HMCN2: variants seen among roughly 807,000 people sequenced by gnomAD.
HMCN2 encodes hemicentin-2.
A neutral mutation model predicts 377.5 loss-of-function variants in HMCN2; 325 were observed. The observed-to-expected ratio is 0.86, with a 90% CI of 0.79 to 0.94. HMCN2 has a LOEUF of 0.94. Among genes scored for constraint, HMCN2 ranks in the 40% least tolerant of loss-of-function variants. HMCN2 has a pLI of 0.00. For missense variants in HMCN2, 4,543 were observed against 4,725.3 expected, an observed-to-expected ratio of 0.96 and a Z score of 1.13; for synonymous variants, 2,007 against 2,046.8, an observed-to-expected ratio of 0.98 and a Z score of 0.53.
chr9:130,348,236 C>T (rs910602892), intron 26 of HMCN2, among the ~76,000 whole-genome samples: 1 of 152,236 alleles, frequency 6.6e-6, no homozygotes, highest in Non-Finnish European at 1.5e-5. Flanking sequence ...GGGGGACCCT[C>T]CCTGGTCACT....
chr9:130,382,826 GCCCACGGCTGCAGGT>G lies in HMCN2; in HGVS notation c.8696_8710del (p.Pro2899_Val2903del). 1.0e-6 allele frequency: 1 copy of G among 985,898 alleles called. No homozygotes were observed. Among genetic ancestry groups the G allele is most frequent in the Non-Finnish European group, 1.2e-6 (1 of 829,928 alleles). 61.1% of individuals were successfully genotyped at this position (985,898 alleles called of 1,614,324 possible). ...CAGAATGGGCTGCCTTTCTCCCCGA[GCCCACGGCTGCAGGT>G]CCTGGAGGACGGGCAAGTCTTGCAG... On this transcript the variant is annotated inframe_deletion, in exon 56 of 98. Transcript: ENST00000683500.
chr9:130,334,434 T>C (rs1423937864), intron 22 of HMCN2, among the ~76,000 whole-genome samples: 1 of 152,142 alleles, frequency 6.6e-6, no homozygotes, highest in Non-Finnish European at 1.5e-5. Flanking sequence ...GATTCCCCCA[T>C]TTCTTCCTTG....
chr9:130,404,203 T>A (rs1842980878), intron 80 of HMCN2, among the ~76,000 whole-genome samples: 1 of 152,202 alleles, frequency 6.6e-6, no homozygotes. Flanking sequence ...GCTTCAAAGA[T>A]CAGGTGGCAT....
intron 1 of HMCN2, among the ~76,000 whole-genome samples, chr9:130,280,211 G>GA (rs1412054378): frequency 6.7e-6 from 1 of 150,030 alleles, no homozygotes; most frequent in Non-Finnish European, 1.5e-5. Context: ...ACCCAGGCTG[G>GA]GTGCAGTGGT....
rs576084529 is a variant in HMCN2 at position 130,296,779 on chromosome 9, G to A, written c.997G>A (p.Glu333Lys). ...CTTGCTGGACCTCAACCACACCCTC[G>A]AGTGGCCCTTGCAAGGTACAGTACC... ...QPLLDLNHTL[E>K]WPLQGVPISL... Residue 333 changes from glutamate to lysine, a missense_variant, in exon 7 of 98, where the codon GAG becomes AAG. By Grantham distance (56) the Glu-to-Lys change is moderately conservative. Around this residue, in one of 5 missense-constraint regions of HMCN2, gnomAD observed 547 missense variants for 189.9 expected, o/e 2.88. Coordinates refer to ENST00000683500, the MANE Select transcript of HMCN2 (RefSeq NM_001291815.2). 1.3e-5 allele frequency: 6 copies of A among 471,022 alleles called. No homozygotes were observed. The highest frequency in any genetic ancestry group is 2.6e-5 in the Non-Finnish European group (6 of 227,052). 29.2% of individuals were successfully genotyped at this position (471,022 alleles called of 1,614,324 possible). A position where few individuals can be genotyped will look rare whatever the true frequency, so the allele number is the denominator to read the frequency against.
At position 130,394,395 on chromosome 9, in the gene HMCN2, C is replaced by A. The variant is rs867133467; in HGVS notation, c.10512C>A (p.His3504Gln). ...HFQLTVMEPP[H>Q]IEDSGQPTEL... ...CATGGTGGCTTGCAGAGCCCCCTCACATTGAGGACTCAGGCCAGCCTACAG... is the reference window on the plus strand; with the variant it reads ...CATGGTGGCTTGCAGAGCCCCCTCAAATTGAGGACTCAGGCCAGCCTACAG... The change falls in exon 69 of 98, where the codon CAC (histidine) becomes CAA (glutamine). Residue 3504 changes from histidine to glutamine, a missense_variant. This residue lies in a region of HMCN2 where 1,073 missense variants were observed against 1,319.5 expected (regional missense o/e 0.81). Coordinates refer to ENST00000683500, the MANE Select transcript of HMCN2 (RefSeq NM_001291815.2). The surrounding 1 kb of genome is among the most constrained non-coding windows in gnomAD (Gnocchi z 5.1). 16 of 1,289,448 alleles carry A rather than the reference C, an allele frequency of 1.2e-5. No individual in the cohort carries two copies. In the Middle Eastern group the frequency reaches 8.5e-4, roughly 69 times the overall value. The allele number at this position is 1,289,448 out of a possible 1,614,324, so 79.9% of individuals were successfully genotyped here.
chr9:130,295,093 C>A, intron 5 of HMCN2, 67 bp downstream of exon 5: 6 of 341,080 alleles, frequency 1.8e-5, no homozygotes, highest in Non-Finnish European at 3.1e-5. Context: ...CAGGATGGGA[C>A]AAAGAAAGAG....
intron 79 of HMCN2, 66 bp from the exon 80 acceptor site, chr9:130,403,675 A>G (rs1401477871): frequency 7.9e-7 from 1 of 1,263,352 alleles, no homozygotes; most frequent in African/African-American, 1.5e-5. Flanking sequence ...GAATAGCCCA[A>G]TCTGCCCACC....
chr9:130,414,257 G>T lies in HMCN2; in HGVS notation c.12961+3605G>T, dbSNP rs767315447. Among the ~76,000 whole-genome samples, 1 of 152,162 alleles carries T rather than the reference G, an allele frequency of 6.6e-6. No homozygotes were observed. The highest frequency in any genetic ancestry group is 2.4e-5 in the African/African-American group (1 of 41,434). On this transcript the variant is annotated intron_variant, in intron 85 of 97. Coordinates refer to ENST00000683500, the MANE Select transcript of HMCN2 (RefSeq NM_001291815.2). This position sits in a 1 kb window ranked among gnomAD's most constrained non-coding sequence, Gnocchi z 4.4. ...CCTCCCCCGTGTGGCCAGGTGGGCA[G>T]CGAGGGTAGTGCCAGCAGAGGCCCG...
chr9:130,386,551 G>A (rs561187177), intron 61 of HMCN2, 27 bp downstream of exon 61: 5 of 1,290,642 alleles, frequency 3.9e-6, no homozygotes, highest in South Asian at 2.5e-5. Flanking sequence ...CCTAGCCAAC[G>A]TGACTGTGGA....
rs1840321897 is a variant in HMCN2, at chr9:130,360,560, A to T, written c.5906A>T (p.Asn1969Ile). ...GGGAGCTACCGCTGTGTGGCATCCA[A>T]TGTGGCAGGTAGCACAGAGCTGCGG... is the stretch of plus-strand genomic sequence containing the variant. ...DAGSYRCVAS[N>I]VAGSTELRYG... Residue 1969 changes from asparagine to isoleucine, a missense_variant, in exon 38 of 98, where the codon AAT becomes ATT. Coordinates refer to ENST00000683500, the MANE Select transcript of HMCN2 (RefSeq NM_001291815.2). This position sits in a 1 kb window ranked among gnomAD's most constrained non-coding sequence, Gnocchi z 4.7. 7.7e-7 allele frequency: 1 copy of T among 1,304,168 alleles called. No individual in the cohort carries two copies. The highest frequency in any genetic ancestry group is 1.5e-5 in the African/African-American group (1 of 65,964). The allele number at this position is 1,304,168 out of a possible 1,614,324, so 80.8% of individuals were successfully genotyped here. A position where few individuals can be genotyped will look rare whatever the true frequency, so the allele number is the denominator to read the frequency against.
intron 19 of HMCN2, among the ~76,000 whole-genome samples, chr9:130,322,666 G>T (rs1837921327): frequency 6.6e-6 from 1 of 152,104 alleles, no homozygotes; most frequent in Admixed American, 6.5e-5. Flanking sequence ...GTACCTACGT[G>T]ACCAATTCTT....
chr9:130,418,900 C>A lies in HMCN2; in HGVS notation c.13090C>A (p.Arg4364=). The change falls in exon 86 of 98, where the codon CGG becomes AGG. Residue 4364 remains arginine (R), a synonymous_variant. Transcript: ENST00000683500. ...IEWLQAGQPL[R]ASRRLRTLPD... Reference sequence around the variant, plus strand: ...ATGGCTACAGGCGGGTCAACCCTTGCGGGCCAGCCGGCGGCTCCGGACCCT... The same window carrying A: ...ATGGCTACAGGCGGGTCAACCCTTGAGGGCCAGCCGGCGGCTCCGGACCCT... 1 of 1,549,310 alleles carries A rather than the reference C, an allele frequency of 6.5e-7. No individual in the cohort carries two copies. The highest frequency in any genetic ancestry group is 1.4e-5 in the African/African-American group (1 of 73,154).
In HMCN2 at chr9:130,406,175, G is replaced by A. The variant is rs545728101; in HGVS notation, c.12553+7G>A. 1.1e-4 allele frequency: 143 copies of A among 1,289,770 alleles called. No individual in the cohort carries two copies. In the South Asian group the frequency reaches 1.6e-3, roughly 14 times the overall value. The allele number at this position is 1,289,770 out of a possible 1,614,324, so 79.9% of individuals were successfully genotyped here. ...AACGACCGGCCAGTCACAGGTCTGG[G>A]TCTGCTGGGCATGGGTGGGACAGAG... is the stretch of plus-strand genomic sequence containing the variant. On this transcript the variant is annotated splice_region_variant and intron_variant, in intron 82 of 97. Coordinates refer to ENST00000683500, the MANE Select transcript of HMCN2 (RefSeq NM_001291815.2).
At chr9:130,315,561 G>C (rs1043905602) in intron 15 of HMCN2, among the ~76,000 whole-genome samples, 2 of 150,870 alleles carry the variant, frequency 1.3e-5, no homozygotes, top group Non-Finnish European at 2.9e-5. Context: ...GCCACACTGG[G>C]CTGGTAGGGC....
chr9:130,368,022 A>G (rs1049945243), intron 43 of HMCN2, among the ~76,000 whole-genome samples: 2 of 150,538 alleles, frequency 1.3e-5, no homozygotes, highest in Non-Finnish European at 1.5e-5. Flanking sequence ...AGGCCAGAGT[A>G]GGATTCAGAT....
In HMCN2 at chr9:130,395,942, T is replaced by A; in HGVS notation, c.10930T>A (p.Phe3644Ile). ...TCTCCAGGAGGACGCCCACACACAA[T>A]TCCCGGAGCGGGGCAGGTTCCTCCA... ...IVLQEDAHTQ[F>I]PERGRFLQLQ... is the part of the protein sequence containing the mutation. The change falls in exon 72 of 98, where the codon TTC becomes ATC. Residue 3644 changes from phenylalanine to isoleucine, a missense_variant. Transcript: ENST00000683500. The A allele has an allele frequency of 7.8e-7, 1 of 1,287,322 alleles. No homozygotes were observed. The highest frequency in any genetic ancestry group is 1.0e-6 in the Non-Finnish European group (1 of 988,594). 79.7% of individuals were successfully genotyped at this position (1,287,322 alleles called of 1,614,324 possible).
chr9:130,296,677 T>A lies in HMCN2; in HGVS notation c.895T>A (p.Tyr299Asn), dbSNP rs1221191433. The change falls in exon 7 of 98, where the codon TAT (tyrosine) becomes AAT (asparagine). Residue 299 changes from tyrosine to asparagine, a missense_variant. By Grantham distance (143) the Tyr-to-Asn change is moderately radical (BLOSUM62 -2). Around this residue, in one of 5 missense-constraint regions of HMCN2, gnomAD observed 547 missense variants for 189.9 expected, o/e 2.88. Transcript: ENST00000683500. ...GTGAGACCTGGGCCTGCGCTAGGTC[T>A]ATAGCAGTGGCCGCCATTCAGTGAG... is the stretch of plus-strand genomic sequence containing the variant. ...EHPGLWSIKV[Y>N]SSGRHSVRIT... 2.1e-6 allele frequency: 1 copy of A among 471,006 alleles called. No individual in the cohort carries two copies. The highest frequency in any genetic ancestry group is 4.4e-6 in the Non-Finnish European group (1 of 227,062). The allele number at this position is 471,006 out of a possible 1,614,324, so 29.2% of individuals were successfully genotyped here. A position where few individuals can be genotyped will look rare whatever the true frequency, so the allele number is the denominator to read the frequency against.
chr9:130,313,600 A>ACC (rs878874680), intron 15 of HMCN2, among the ~76,000 whole-genome samples: 2,796 of 148,304 alleles, frequency 0.019, 54 homozygotes, highest in Admixed American at 0.053. Context: ...GCATGTGGGC[A>ACC]CCCCCCCCCA....
Sources: gnomAD v4.1 joint callset for allele counts (sites outside exome capture counted in the v4.1 genomes callset) on GRCh38, gnomAD v4.1.1 for gene constraint, gnomAD v4.1.1 regional missense constraint, Gnocchi (gnomAD v3.1) non-coding constraint, MANE v1.5 for transcripts, NCBI Gene and HGNC (gene_info 2026-07-23, HGNC 2026-07-21) for gene names.